Variants in PTPRT observed in about 807,000 individuals in gnomAD.
PTPRT encodes the protein protein tyrosine phosphatase receptor type T.
Under a neutral mutation model 176.8 loss-of-function variants are expected in PTPRT, and 56 were observed. That is an observed-to-expected ratio of 0.32 (90% CI 0.26 to 0.40). PTPRT has a LOEUF of 0.40. PTPRT is among the 10% of genes least tolerant of loss of function. The pLI is 1.00. For synonymous variants in PTPRT, 783 were observed against 739.0 expected (o/e 1.06, Z -0.96); for missense variants, 1,540 against 1,908.2 (o/e 0.81, Z 3.60).
intron 11 of PTPRT, among the ~76,000 whole-genome samples, chr20:42,340,315 G>A (rs1222994508): frequency 1.3e-5 from 2 of 152,160 alleles, no homozygotes; most frequent in African/African-American, 4.8e-5. Flanking sequence ...CTCTGGGCAT[G>A]AATACTTATA....
chr20:43,130,806 A>G (rs2013621360), intron 1 of PTPRT, among the ~76,000 whole-genome samples: 1 of 149,100 alleles, frequency 6.7e-6, no homozygotes, highest in Non-Finnish European at 1.5e-5. Flanking sequence ...GAAATAAGGA[A>G]GGATTTTCAA....
At chr20:43,049,605 G>A (rs1902379365) in intron 1 of PTPRT, among the ~76,000 whole-genome samples, 1 of 152,190 alleles carries the variant, frequency 6.6e-6, no homozygotes, top group Non-Finnish European at 1.5e-5. Flanking sequence ...GAGCCTATGT[G>A]ACCAGACAGA....
chr20:42,803,024 C>T (rs1219383280), intron 2 of PTPRT, among the ~76,000 whole-genome samples: 2 of 152,198 alleles, frequency 1.3e-5, no homozygotes, highest in African/African-American at 4.8e-5. Flanking sequence ...GTGGCAGAAG[C>T]GGCATTTCTG....
At chr20:42,851,769 T>C (rs2078476024) in intron 2 of PTPRT, among the ~76,000 whole-genome samples, 1 of 152,168 alleles carries the variant, frequency 6.6e-6, no homozygotes, top group Non-Finnish European at 1.5e-5. Context: ...AATGAATGGG[T>C]GTGGCTATGT....
intron 9 of PTPRT, among the ~76,000 whole-genome samples, chr20:42,424,264 G>T (rs1052338934): frequency 6.6e-6 from 1 of 152,094 alleles, no homozygotes; most frequent in Non-Finnish European, 1.5e-5. Context: ...CAATGTCACA[G>T]GTGCACTTTC....
At chr20:43,095,624 A>C (rs1600709334) in intron 1 of PTPRT, among the ~76,000 whole-genome samples, 6 of 124,530 alleles carry the variant, frequency 4.8e-5, no homozygotes, top group Admixed American at 8.3e-5. Context: ...TCTCTCCCCC[A>C]CCGATCTCTC....
chr20:42,146,194 G>T (rs544196442), intron 17 of PTPRT, among the ~76,000 whole-genome samples: 1 of 152,162 alleles, frequency 6.6e-6, no homozygotes, highest in East Asian at 1.9e-4. Context: ...TGCCAGGTCT[G>T]TTCTCTGTAT....
intron 18 of PTPRT, among the ~76,000 whole-genome samples, chr20:42,136,124 TAAAG>T (rs1222563545): frequency 2.0e-5 from 3 of 151,820 alleles, no homozygotes; most frequent in African/African-American, 7.3e-5. Flanking sequence ...CACATCCACT[TAAAG>T]AGAGAATCAC....
chr20:42,428,876 G>T (rs6072741), intron 9 of PTPRT, among the ~76,000 whole-genome samples: 1 of 152,060 alleles, frequency 6.6e-6, no homozygotes, highest in Non-Finnish European at 1.5e-5. Context: ...CCAAGCCAAG[G>T]CTAGATCCAG....
At position 42,147,201 on chromosome 20, in the gene PTPRT, A is replaced by G. The variant is rs1353142392; in HGVS notation, c.2683-5199T>C. The stretch of plus-strand genomic sequence containing the variant: ...TACTTCAGATGTGCTTGAAAGACCT[A>G]TTTAGGATGAATGAATGAGTGGAAT... On this transcript the variant is annotated intron_variant, in intron 17 of 30. Coordinates refer to ENST00000373187, the MANE Select transcript of PTPRT (RefSeq NM_007050.6). Among the ~76,000 whole-genome samples, 3 of 152,170 alleles carry G rather than the reference A, an allele frequency of 2.0e-5. No individual in the cohort carries two copies. The South Asian group carries it at 6.2e-4, about 32-fold the overall frequency.
At chr20:42,046,938 C>T in the PTPRT span, among the ~76,000 whole-genome samples, 1 of 152,178 alleles carries the variant, frequency 6.6e-6, no homozygotes. Flanking sequence ...TGACAGCTGG[C>T]ACCCAGCCCT....
chr20:42,555,044 G>A (rs2072836044), intron 7 of PTPRT, among the ~76,000 whole-genome samples: 1 of 152,192 alleles, frequency 6.6e-6, no homozygotes, highest in Non-Finnish European at 1.5e-5. Flanking sequence ...CATCTACAGA[G>A]ACAGGTGAAT....
chr20:42,987,111 C>G, intron 1 of PTPRT, among the ~76,000 whole-genome samples: 1 of 152,230 alleles, frequency 6.6e-6, no homozygotes, highest in Middle Eastern at 3.4e-3. Flanking sequence ...CCCCCACATC[C>G]ACCCCTCCCT....
chr20:42,112,213 TTGCAGAG>T (rs1987037833), intron 22 of PTPRT, among the ~76,000 whole-genome samples: 1 of 152,034 alleles, frequency 6.6e-6, no homozygotes, highest in Non-Finnish European at 1.5e-5. Context: ...GGATCGGGGG[TTGCAGAG>T]AGGGCACTAT....
rs530580828 is a variant in PTPRT at position 43,189,496 on chromosome 20, C to A, written c.88+150G>T. 164 of 411,552 alleles carry A rather than the reference C, an allele frequency of 4.0e-4. No individual in the cohort carries two copies. The highest frequency in any genetic ancestry group is 5.3e-4 in the Non-Finnish European group (136 of 256,732). 25.5% of individuals were successfully genotyped at this position (411,552 alleles called of 1,614,324 possible). A position where few individuals can be genotyped will look rare whatever the true frequency, so the allele number is the denominator to read the frequency against. On this transcript the variant is annotated intron_variant, in intron 1 of 30. Transcript: ENST00000373187. The surrounding 1 kb of genome is among the most constrained non-coding windows in gnomAD (Gnocchi z 5.0). ...GGGCGCGCGGGGACACTGCTTCCCG[C>A]GCCTGCAAGCTGAGACCCGGGTTCC...
chr20:42,074,928 T>G lies in PTPRT; in HGVS notation c.*5951A>C, dbSNP rs971688969. 3 of 398,078 alleles carry G rather than the reference T, an allele frequency of 7.5e-6. No individual in the cohort carries two copies. The Admixed American group carries it at 1.3e-4, about 18-fold the overall frequency. 24.7% of individuals were successfully genotyped at this position (398,078 alleles called of 1,614,324 possible). ...TGCACAAATATGGCTTAGATATCTC[T>G]GCTGTGCTTCGGAGGATCAGATCCA... On this transcript the variant is annotated 3_prime_UTR_variant, in exon 31 of 31. Coordinates refer to ENST00000373187, the MANE Select transcript of PTPRT (RefSeq NM_007050.6).
At chr20:42,835,076 G>C (rs1229782975) in intron 2 of PTPRT, among the ~76,000 whole-genome samples, 5 of 152,148 alleles carry the variant, frequency 3.3e-5, no homozygotes, top group Non-Finnish European at 7.4e-5. Flanking sequence ...CCTAGAAAAA[G>C]GAGAGAGGTA....
At chr20:42,462,889 T>C (rs2071043687) in intron 8 of PTPRT, among the ~76,000 whole-genome samples, 2 of 152,152 alleles carry the variant, frequency 1.3e-5, no homozygotes, top group Admixed American at 6.5e-5. Flanking sequence ...GGCACTGAAG[T>C]GTACAGAATG....
intron 1 of PTPRT, among the ~76,000 whole-genome samples, chr20:43,111,406 T>C (rs1347178367): frequency 1.3e-5 from 2 of 151,250 alleles, no homozygotes; most frequent in Non-Finnish European, 2.9e-5. Context: ...TAGCCGGGCG[T>C]GGTGGCACAT....
Sources: allele counts gnomAD v4.1 joint callset (sites outside exome capture counted in the v4.1 genomes callset), GRCh38; gene constraint gnomAD v4.1.1; non-coding constraint Gnocchi (gnomAD v3.1); transcripts MANE v1.5; gene names NCBI Gene and HGNC (gene_info 2026-07-23, HGNC 2026-07-21).